The following SRCIN1 variants were observed in gnomAD, a reference collection of about 807,000 sequenced individuals.
SRCIN1 encodes SRC kinase signaling inhibitor 1.
Under a neutral mutation model 116.2 loss-of-function variants are expected in SRCIN1, and 50 were observed. The ratio of observed to expected loss-of-function variants is 0.43; its 90% CI spans 0.34 to 0.54. The LOEUF (loss-of-function observed/expected upper bound fraction) is 0.54. SRCIN1 is among the 20% of genes least tolerant of loss of function. The pLI is 0.02. For missense variants in SRCIN1, 1,446 were observed against 1,672.0 expected, an observed-to-expected ratio of 0.86 and a Z score of 2.36; for synonymous variants, 736 against 750.0, an observed-to-expected ratio of 0.98 and a Z score of 0.30.
rs1440135308 is a variant in SRCIN1, at chr17:38,530,071, G to A, written c.*3226C>T. On this transcript the variant is annotated 3_prime_UTR_variant, in exon 19 of 19. Coordinates refer to ENST00000617146, the MANE Select transcript of SRCIN1 (RefSeq NM_025248.3). ...AGTTTTATTAAAGCCCCAAACACTT[G>A]GCTAGAAAAACTGAAAAGGAAAGAG... The A allele has an allele frequency of 6.6e-6, 1 of 152,198 alleles. No homozygotes were observed. Among genetic ancestry groups the A allele is most frequent in the African/African-American group, 2.4e-5 (1 of 41,440 alleles). 9.4% of individuals were successfully genotyped at this position (152,198 alleles called of 1,614,324 possible). A position where few individuals can be genotyped will look rare whatever the true frequency, so the allele number is the denominator to read the frequency against.
At position 38,562,805 on chromosome 17, in the gene SRCIN1, C is replaced by A. The variant is rs573778450; in HGVS notation, c.834+22G>T. Reference sequence around the variant, plus strand: ...CCCCATGTGCCCAGCCTCCCCAATGCCCTGGGCATGCCCAGCCATACCCGG... The same window carrying A: ...CCCCATGTGCCCAGCCTCCCCAATGACCTGGGCATGCCCAGCCATACCCGG... On this transcript the variant is annotated intron_variant, in intron 6 of 18. Coordinates refer to ENST00000617146, the MANE Select transcript of SRCIN1 (RefSeq NM_025248.3). This position sits in a 1 kb window ranked among gnomAD's most constrained non-coding sequence, Gnocchi z 4.2. The A allele has an allele frequency of 3.1e-6, 5 of 1,608,300 alleles. No individual in the cohort carries two copies. Among genetic ancestry groups the A allele is most frequent in the Non-Finnish European group, 4.3e-6 (5 of 1,175,812 alleles).
intron 7 of SRCIN1, 29 bp from the exon 8 acceptor site, chr17:38,560,454 C>T (rs369759582): frequency 1.3e-5 from 20 of 1,571,666 alleles, no homozygotes; most frequent in Middle Eastern, 3.3e-4. Context: ...TGGGCAACCT[C>T]GCCTCTGAGC....
chr17:38,547,418 C>A (rs1348332027), intron 17 of SRCIN1, among the ~76,000 whole-genome samples: 1 of 152,206 alleles, frequency 6.6e-6, no homozygotes, highest in East Asian at 1.9e-4. Flanking sequence ...CCACACTCAG[C>A]CTTCGGGCCA....
At position 38,533,334 on chromosome 17, in the gene SRCIN1, G is replaced by A; in HGVS notation, c.3515C>T (p.Thr1172Ile). The change falls in exon 19 of 19, where the codon ACT (threonine) becomes ATT (isoleucine). Residue 1172 changes from threonine to isoleucine, a missense_variant. This residue lies in a region of SRCIN1 where 531 missense variants were observed against 633.9 expected (regional missense o/e 0.84). Transcript: ENST00000617146. ...GGAAGAATTCCTTGCCCCAAAGGAA[G>A]TCAATACAGGGATAGAGGTTCTGGA... ...SASRTSIPVL[T>I]SFGARNSSIS... 2 of 1,594,730 alleles carry A rather than the reference G, an allele frequency of 1.3e-6. No individual in the cohort carries two copies. Among genetic ancestry groups the A allele is most frequent in the Non-Finnish European group, 1.7e-6 (2 of 1,170,146 alleles).
At chr17:38,598,536 C>T (rs952413219) in intron 1 of SRCIN1, among the ~76,000 whole-genome samples, 9 of 152,026 alleles carry the variant, frequency 5.9e-5, no homozygotes, top group African/African-American at 1.9e-4. Context: ...GTCTGGGGGC[C>T]CCTCTATGGG....
Position 38,562,857 on chromosome 17 carries a change from A to T in SRCIN1, c.804T>A (p.Pro268=), listed in dbSNP as rs1173391561. The change falls in exon 6 of 19, where the codon CCT becomes CCA. Residue 268 remains proline (P), a synonymous_variant. Transcript: ENST00000617146. This position sits in a 1 kb window ranked among gnomAD's most constrained non-coding sequence, Gnocchi z 4.2. ...GGTCCCCGTTGGTGAGATGTGAGCC[A>T]GGGAAGGCAGCGTAGAGGGGCTCCT... ...YRKEPLYAAF[P]GSHLTNGDLR... The T allele has an allele frequency of 6.2e-7, 1 of 1,613,818 alleles. No homozygotes were observed. The highest frequency in any genetic ancestry group is 8.5e-7 in the Non-Finnish European group (1 of 1,179,796).
chr17:38,551,615 T>C (rs1281114925), intron 14 of SRCIN1: 20 of 648,756 alleles, frequency 3.1e-5, no homozygotes, highest in Non-Finnish European at 5.3e-5. Context: ...AACTTAGATC[T>C]ATTTCTGGGC....
At position 38,558,914 on chromosome 17, in the gene SRCIN1, A is replaced by C. The variant is rs945647028; in HGVS notation, c.2026-512T>G. ...TGAAGGACTCAAGCGCTGGCATTTG[A>C]TAGAGCTTCTATGGCTGGGACAGGA... On this transcript the variant is annotated intron_variant, in intron 10 of 18. Coordinates refer to ENST00000617146, the MANE Select transcript of SRCIN1 (RefSeq NM_025248.3). The surrounding 1 kb of genome is among the most constrained non-coding windows in gnomAD (Gnocchi z 4.6). Among the ~76,000 whole-genome samples, 1 of 152,164 alleles carries C rather than the reference A, an allele frequency of 6.6e-6. No individual in the cohort carries two copies. The highest frequency in any genetic ancestry group is 2.4e-5 in the African/African-American group (1 of 41,432).
chr17:38,556,606 T>C (rs1905820353), intron 11 of SRCIN1, among the ~76,000 whole-genome samples: 1 of 152,204 alleles, frequency 6.6e-6, no homozygotes, highest in Non-Finnish European at 1.5e-5. Context: ...GGGAAGGCTA[T>C]GGGAGCTGGG....
At position 38,544,547 on chromosome 17, in the gene SRCIN1, CA is replaced by C. The variant is rs200172771; in HGVS notation, c.3271-579del. On this transcript the variant is annotated intron_variant, in intron 17 of 18. Coordinates refer to ENST00000617146, the MANE Select transcript of SRCIN1 (RefSeq NM_025248.3). This position sits in a 1 kb window ranked among gnomAD's most constrained non-coding sequence, Gnocchi z 4.5. ...CAGAGAGATGACAGAGACAGAGAAT[CA>C]GAGACAGGAAGGGGAGGGGAGCATG... 1,342 of 152,518 alleles carry C rather than the reference CA, an allele frequency of 8.8e-3. 10 individuals are homozygous for C. The highest frequency in any genetic ancestry group is 0.015 in the Non-Finnish European group (1,048 of 68,180). 9.4% of individuals were successfully genotyped at this position (152,518 alleles called of 1,614,324 possible).
At chr17:38,539,983 T>C (rs182534560) in intron 18 of SRCIN1, among the ~76,000 whole-genome samples, 1 of 131,110 alleles carries the variant, frequency 7.6e-6, no homozygotes. Flanking sequence ...ATCACGCCAC[T>C]GGACTCCAAC....
At chr17:38,605,989 G>C (rs1909343200), upstream of SRCIN1, 2 of 143,480 alleles carry the variant, frequency 1.4e-5, no homozygotes, top group South Asian at 4.3e-4. Flanking sequence ...GTCACTGCGG[G>C]CGGGCGCGCG....
intron 18 of SRCIN1, among the ~76,000 whole-genome samples, chr17:38,538,242 C>A (rs1317410835): frequency 6.6e-6 from 1 of 151,420 alleles, no homozygotes; most frequent in East Asian, 1.9e-4. Context: ...CATGGTGAAA[C>A]CCTGTCTCTA....
rs753699324 is a variant in SRCIN1, at chr17:38,563,302, TC to T, written c.740+20del. The T allele has an allele frequency of 1.5e-5, 23 of 1,555,168 alleles. No individual in the cohort carries two copies. Among genetic ancestry groups the T allele is most frequent in the Non-Finnish European group, 1.6e-5 (18 of 1,149,414 alleles). On this transcript the variant is annotated intron_variant, in intron 5 of 18. Transcript: ENST00000617146. This position sits in a 1 kb window ranked among gnomAD's most constrained non-coding sequence, Gnocchi z 5.8. ...AGGAGCGTGGGGAAGCCCACCCAAA[TC>T]CCCCCCGGTCCACGCCCACCGGACG...
At chr17:38,606,603 C>G (rs1434494929), upstream of SRCIN1, among the ~76,000 whole-genome samples, 179 of 152,332 alleles carry the variant, frequency 1.2e-3, no homozygotes, top group Non-Finnish European at 1.5e-4. This position sits in a 1 kb window ranked among gnomAD's most constrained non-coding sequence, Gnocchi z 5.2. Flanking sequence ...CCGCGCCCCT[C>G]CGGCCAGTGA....
chr17:38,583,804 C>T (rs1195781842), intron 1 of SRCIN1, among the ~76,000 whole-genome samples: 4 of 152,142 alleles, frequency 2.6e-5, no homozygotes, highest in Non-Finnish European at 5.9e-5. Flanking sequence ...CCGCCCGCCT[C>T]GGCCTCCCAA....
At chr17:38,554,349 C>T (rs1394160588) in intron 11 of SRCIN1, among the ~76,000 whole-genome samples, 1 of 152,318 alleles carries the variant, frequency 6.6e-6, no homozygotes, top group East Asian at 1.9e-4. Flanking sequence ...ACCCTCATCT[C>T]ATCTGGCTTC....
intron 1 of SRCIN1, among the ~76,000 whole-genome samples, chr17:38,596,866 C>A (rs993188126): frequency 6.6e-6 from 1 of 152,168 alleles, no homozygotes; most frequent in Non-Finnish European, 1.5e-5. Flanking sequence ...TGGCAGGGTC[C>A]CCTACAGCTG....
At chr17:38,554,729 A>G (rs1905674331) in intron 11 of SRCIN1, among the ~76,000 whole-genome samples, 1 of 152,210 alleles carries the variant, frequency 6.6e-6, no homozygotes, top group South Asian at 2.1e-4. Flanking sequence ...GAATGAATGA[A>G]CAAGGGAGAG....
Sources: gnomAD v4.1 joint callset for allele counts (sites outside exome capture counted in the v4.1 genomes callset) on GRCh38, gnomAD v4.1.1 for gene constraint, gnomAD v4.1.1 regional missense constraint, Gnocchi (gnomAD v3.1) non-coding constraint, MANE v1.5 for transcripts, NCBI Gene and HGNC (gene_info 2026-07-23, HGNC 2026-07-21) for gene names.